SLC16A9: variants seen among roughly 807,000 people sequenced by gnomAD.
SLC16A9 encodes solute carrier family 16 member 9, also known as monocarboxylate transporter 9.
Under a neutral mutation model 44.3 loss-of-function variants are expected in SLC16A9, and 26 were observed. The observed-to-expected ratio is 0.59, with a 90% CI of 0.43 to 0.81. SLC16A9 has a LOEUF of 0.81. Ranked by LOEUF, SLC16A9 falls within the 40% of genes least tolerant of loss-of-function variation. The pLI is 0.00. For synonymous variants in SLC16A9, 230 were observed against 225.1 expected, an observed-to-expected ratio of 1.02 and a Z score of -0.19; for missense variants, 559 against 595.8, an observed-to-expected ratio of 0.94 and a Z score of 0.64.
chr10:59,674,878 A>G (rs77967637), intron 2 of SLC16A9, among the ~76,000 whole-genome samples: 4,551 of 152,290 alleles, frequency 0.03, 219 homozygotes, highest in African/African-American at 0.1. Context: ...TGGAGGAGTA[A>G]TAATTTTCAT....
At chr10:59,678,364 C>T (rs1182571907) in intron 2 of SLC16A9, among the ~76,000 whole-genome samples, 1 of 151,626 alleles carries the variant, frequency 6.6e-6, no homozygotes, top group African/African-American at 2.4e-5. Flanking sequence ...GACTGTAAAT[C>T]TCAAGTTCAT....
At chr10:59,670,220 T>C (rs1403213846) in intron 3 of SLC16A9, among the ~76,000 whole-genome samples, 2 of 152,218 alleles carry the variant, frequency 1.3e-5, no homozygotes, top group Non-Finnish European at 2.9e-5. Context: ...TCTGTATGCC[T>C]CTTTATAAAC....
chr10:59,677,108 A>G (rs189781360), intron 2 of SLC16A9, among the ~76,000 whole-genome samples: 12 of 137,262 alleles, frequency 8.7e-5, no homozygotes, highest in Admixed American at 6.6e-4. Flanking sequence ...CATTGCCTTT[A>G]TATTCATTTT....
intron 4 of SLC16A9, among the ~76,000 whole-genome samples, chr10:59,663,717 C>T (rs1839539454): frequency 6.6e-6 from 1 of 151,970 alleles, no homozygotes; most frequent in Non-Finnish European, 1.5e-5. Flanking sequence ...TGTAACAAAA[C>T]TGCATGTTCT....
intron 2 of SLC16A9, among the ~76,000 whole-genome samples, chr10:59,674,823 T>C (rs1839825321): frequency 1.3e-5 from 2 of 152,226 alleles, no homozygotes; most frequent in South Asian, 4.1e-4. Context: ...TAATGCATGC[T>C]AATTCCATGA....
At chr10:59,696,523 C>T (rs1345266688) in intron 1 of SLC16A9, among the ~76,000 whole-genome samples, 1 of 152,112 alleles carries the variant, frequency 6.6e-6, no homozygotes, top group Non-Finnish European at 1.5e-5. Context: ...GCCCGGCCGC[C>T]ACCCCGTCTA....
intron 1 of SLC16A9, among the ~76,000 whole-genome samples, chr10:59,698,558 T>C (rs1032440670): frequency 1.3e-5 from 2 of 152,052 alleles, no homozygotes; most frequent in East Asian, 3.9e-4. Context: ...TTGTCCCAAA[T>C]AGCCAAGCAC....
chr10:59,654,132 C>T lies in SLC16A9; in HGVS notation c.894G>A (p.Val298=), dbSNP rs777392800. 1.9e-6 allele frequency: 3 copies of T among 1,613,956 alleles called. No homozygotes were observed. The South Asian group carries it at 3.3e-5, about 18-fold the overall frequency. The stretch of plus-strand genomic sequence containing the variant: ...AAAATACTTTGTTTTTAAAAAGAGC[C>T]ACAGTTTCACCACAGTAGTTTTTAT... The part of the protein sequence containing the change: ...QLYKNYCGET[V]ALFKNKVFSA... The change falls in exon 5 of 6, where the codon GTG becomes GTA. Residue 298 remains valine, a synonymous_variant. Transcript: ENST00000395348.
At position 59,678,546 on chromosome 10, in the gene SLC16A9, C is replaced by CTTTTTTTTTTTTTTTTTTTTTTTTTT. The variant is rs751112027; in HGVS notation, c.196+5549_196+5550insAAAAAAAAAAAAAAAAAAAAAAAAAA. On this transcript the variant is annotated intron_variant, in intron 2 of 5. Transcript: ENST00000395348. ...ATCTTTTTTTTTTCTTTTTCTTTTT[C>CTTTTTTTTTTTTTTTTTTTTTTTTTT]TTTTTTTTGAGACGGAGTCTCGCTC... is the stretch of plus-strand genomic sequence containing the variant. Among the ~76,000 whole-genome samples the CTTTTTTTTTTTTTTTTTTTTTTTTTT allele has an allele frequency of 4.3e-3, 130 of 30,588 alleles. 37 individuals are homozygous for CTTTTTTTTTTTTTTTTTTTTTTTTTT. Among genetic ancestry groups the CTTTTTTTTTTTTTTTTTTTTTTTTTT allele is most frequent in the Non-Finnish European group, 6.4e-3 (90 of 14,156 alleles). 20.1% of individuals were successfully genotyped at this position (30,588 alleles called of 152,430 possible). A position where few individuals can be genotyped will look rare whatever the true frequency, so the allele number is the denominator to read the frequency against.
rs535493643 is a variant in SLC16A9 at position 59,667,921 on chromosome 10, C to T, written c.341-3599G>A. On this transcript the variant is annotated intron_variant, in intron 3 of 5. Coordinates refer to ENST00000395348, the MANE Select transcript of SLC16A9 (RefSeq NM_194298.3). ...ACATTTCTTTTCCACACTTTACCTT[C>T]CATTTCACACACTGGAGACACAACT... is the stretch of plus-strand genomic sequence containing the variant. Among the ~76,000 whole-genome samples, 15 of 152,262 alleles carry T rather than the reference C, an allele frequency of 9.9e-5. 2 individuals are homozygous for T. The South Asian group carries it at 3.1e-3, about 32-fold the overall frequency.
At chr10:59,675,255 T>C (rs1288858240) in intron 2 of SLC16A9, among the ~76,000 whole-genome samples, 2 of 152,308 alleles carry the variant, frequency 1.3e-5, no homozygotes, top group South Asian at 4.1e-4. Context: ...AGTCCATAGC[T>C]AGCCAATGAC....
chr10:59,662,798 A>G (rs1181208664), intron 4 of SLC16A9, among the ~76,000 whole-genome samples: 1 of 152,154 alleles, frequency 6.6e-6, no homozygotes, highest in East Asian at 1.9e-4. Context: ...AAAAGTCAGG[A>G]AACAACAGAT....
chr10:59,685,189 A>G (rs1840105351), intron 1 of SLC16A9, among the ~76,000 whole-genome samples: 1 of 152,192 alleles, frequency 6.6e-6, no homozygotes, highest in South Asian at 2.1e-4. Flanking sequence ...ACATCCTGAG[A>G]GATTTTTCCC....
chr10:59,685,475 T>C (rs1211290871), intron 1 of SLC16A9, among the ~76,000 whole-genome samples: 1 of 152,192 alleles, frequency 6.6e-6, no homozygotes, highest in East Asian at 1.9e-4. Flanking sequence ...ATTTCCCTTA[T>C]TTTTTACACA....
At chr10:59,693,941 T>A (rs138170072) in intron 1 of SLC16A9, among the ~76,000 whole-genome samples, 3,849 of 147,870 alleles carry the variant, frequency 0.026, 147 homozygotes, top group African/African-American at 0.089. Flanking sequence ...ATTTATTTAT[T>A]TATTTATTTA....
chr10:59,703,295 T>C (rs2132550149), intron 1 of SLC16A9, among the ~76,000 whole-genome samples: 1 of 152,328 alleles, frequency 6.6e-6, no homozygotes, highest in South Asian at 2.1e-4. Context: ...TAATTTTTCA[T>C]TTTTTGTAGA....
intron 4 of SLC16A9, among the ~76,000 whole-genome samples, chr10:59,663,704 C>T (rs899406165): frequency 2.6e-5 from 4 of 151,952 alleles, no homozygotes; most frequent in Non-Finnish European, 5.9e-5. Flanking sequence ...ACATGTATAC[C>T]TATGTAACAA....
intron 2 of SLC16A9, among the ~76,000 whole-genome samples, chr10:59,677,038 A>G (rs1839874815): frequency 6.8e-6 from 1 of 146,580 alleles, no homozygotes; most frequent in African/African-American, 2.6e-5. Flanking sequence ...ATAAAATGCA[A>G]GACAGTAAGA....
intron 1 of SLC16A9, among the ~76,000 whole-genome samples, chr10:59,690,955 C>T (rs1031418996): frequency 7.2e-5 from 11 of 152,018 alleles, no homozygotes; most frequent in African/African-American, 2.2e-4. Flanking sequence ...CATGGTGGCA[C>T]GCGCCTGTAA....
Sources: gnomAD v4.1 joint callset for allele counts (sites outside exome capture counted in the v4.1 genomes callset) on GRCh38, gnomAD v4.1.1 for gene constraint, MANE v1.5 for transcripts, NCBI Gene and HGNC (gene_info 2026-07-23, HGNC 2026-07-21) for gene names.